The following NUP93 variants were observed in gnomAD, a reference collection of about 807,000 sequenced individuals.
The protein encoded by NUP93 is nuclear pore complex protein Nup93.
NUP93 carries 55 observed loss-of-function variants against 107.8 expected under a neutral mutation model. That is an observed-to-expected ratio of 0.51 (90% CI 0.41 to 0.64). NUP93 has a LOEUF of 0.64. NUP93 is among the 30% of genes least tolerant of loss of function. The pLI is 0.00. For missense variants in NUP93, 937 were observed against 1,044.7 expected (o/e 0.90, Z 1.42); for synonymous variants, 390 against 397.5 (o/e 0.98, Z 0.22).
chr16:56,796,751 G>T (rs1242485939), intron 3 of NUP93, among the ~76,000 whole-genome samples: 1 of 152,036 alleles, frequency 6.6e-6, no homozygotes, highest in Non-Finnish European at 1.5e-5. Flanking sequence ...GGCCAAGGCG[G>T]TTGGATCACA....
At chr16:56,788,484 C>A (rs1459774850) in intron 3 of NUP93, among the ~76,000 whole-genome samples, 1 of 152,174 alleles carries the variant, frequency 6.6e-6, no homozygotes, top group Non-Finnish European at 1.5e-5. Flanking sequence ...TCCATTAGTG[C>A]CTGGGTGGCC....
At chr16:56,805,790 C>T in intron 5 of NUP93, 158 bp downstream of exon 5, 1 of 728,006 alleles carries the variant, frequency 1.4e-6, no homozygotes, top group Non-Finnish European at 2.2e-6. Context: ...CCTGGACTTC[C>T]TCCAACATGT....
rs145257618 is a variant in NUP93, at chr16:56,736,739, A to C, written c.-15+6528A>C. Among the ~76,000 whole-genome samples, 751 of 152,318 alleles carry C rather than the reference A, an allele frequency of 4.9e-3. 5 individuals carry two copies. The highest frequency in any genetic ancestry group is 0.017 in the African/African-American group (705 of 41,572). ...AAACTCACGGTTGGAGTTTGAGTGC[A>C]CGGGGGCAGGTGTGGATTTGACAGT... On this transcript the variant is annotated intron_variant, in intron 1 of 21. Coordinates refer to ENST00000308159, the MANE Select transcript of NUP93 (RefSeq NM_014669.5).
At chr16:56,835,061 A>G (rs1235608321) in intron 16 of NUP93, among the ~76,000 whole-genome samples, 1 of 152,206 alleles carries the variant, frequency 6.6e-6, no homozygotes, top group Non-Finnish European at 1.5e-5. Flanking sequence ...TGAGAATGCT[A>G]TTATACATTT....
At chr16:56,841,095 G>A (rs1423558585) in intron 20 of NUP93, among the ~76,000 whole-genome samples, 1 of 152,150 alleles carries the variant, frequency 6.6e-6, no homozygotes, top group African/African-American at 2.4e-5. Context: ...CAGTTCAGAA[G>A]GTCTTGCCCC....
chr16:56,833,451 TC>T, intron 13 of NUP93, 45 bp downstream of exon 13: 1 of 1,450,308 alleles, frequency 6.9e-7, no homozygotes, highest in Admixed American at 2.8e-5. Flanking sequence ...CCACAGCACG[TC>T]CCCCTTGGGG....
At chr16:56,812,496 A>T (rs1382760056) in intron 5 of NUP93, among the ~76,000 whole-genome samples, 1 of 152,102 alleles carries the variant, frequency 6.6e-6, no homozygotes, top group Non-Finnish European at 1.5e-5. Context: ...GGCGCCCGCA[A>T]CCACGCCTGG....
chr16:56,842,775 ACTC>A, intron 21 of NUP93: 2 of 341,602 alleles, frequency 5.9e-6, no homozygotes, highest in Non-Finnish European at 1.2e-5. Context: ...CTGGTCTCGA[ACTC>A]CTGAGCTCAA....
chr16:56,736,433 T>C (rs1350768428), intron 1 of NUP93, among the ~76,000 whole-genome samples: 3 of 152,200 alleles, frequency 2.0e-5, no homozygotes, highest in African/African-American at 4.8e-5. Context: ...TGAGTTTTAG[T>C]TAGAGAGTAG....
At chr16:56,809,954 T>A (rs911789605) in intron 5 of NUP93, among the ~76,000 whole-genome samples, 7 of 152,230 alleles carry the variant, frequency 4.6e-5, no homozygotes, top group African/African-American at 9.6e-5. Flanking sequence ...AGCAAATAAT[T>A]AGAACAGCTC....
chr16:56,735,588 T>C (rs1961598137), intron 1 of NUP93, among the ~76,000 whole-genome samples: 1 of 152,192 alleles, frequency 6.6e-6, no homozygotes, highest in Non-Finnish European at 1.5e-5. Context: ...CCCTCGCCTG[T>C]ATTCCTAGCA....
At chr16:56,842,700 G>A (rs781324947) in intron 21 of NUP93, 16 of 423,718 alleles carry the variant, frequency 3.8e-5, no homozygotes, top group Non-Finnish European at 6.0e-5. Context: ...CTACAGGTAC[G>A]CACCACCACA....
intron 5 of NUP93, among the ~76,000 whole-genome samples, chr16:56,812,915 C>A (rs1022060801): frequency 6.6e-5 from 10 of 152,200 alleles, no homozygotes; most frequent in African/African-American, 2.4e-4. Context: ...TGCATGACAG[C>A]ATGCAGGATT....
At chr16:56,794,182 T>A (rs1289837567) in intron 3 of NUP93, among the ~76,000 whole-genome samples, 1 of 152,210 alleles carries the variant, frequency 6.6e-6, no homozygotes, top group African/African-American at 2.4e-5. Flanking sequence ...GTGTGTTTTT[T>A]AAAATAAAAT....
intron 8 of NUP93, among the ~76,000 whole-genome samples, chr16:56,824,939 T>G (rs1317797518): frequency 6.6e-6 from 1 of 152,218 alleles, no homozygotes; most frequent in African/African-American, 2.4e-5. Flanking sequence ...TGAATTTTTG[T>G]GTTTAAGTTT....
intron 3 of NUP93, among the ~76,000 whole-genome samples, chr16:56,764,808 C>A (rs775975441): frequency 1.4e-4 from 22 of 152,158 alleles, no homozygotes; most frequent in Non-Finnish European, 4.4e-5. Flanking sequence ...AGTAAAATTT[C>A]TTAGCTTGAA....
chr16:56,839,408 G>A (rs1344401232), intron 19 of NUP93, 113 bp from the exon 20 acceptor site: 6 of 715,448 alleles, frequency 8.4e-6, no homozygotes, highest in Non-Finnish European at 1.4e-5. Flanking sequence ...AAGGAGGAAT[G>A]GCGTTTTCTA....
intron 3 of NUP93, among the ~76,000 whole-genome samples, chr16:56,775,635 T>C (rs1037697155): frequency 3.9e-5 from 6 of 152,216 alleles, no homozygotes; most frequent in Non-Finnish European, 7.3e-5. Flanking sequence ...TTTAAAACCA[T>C]TTGCCTGTCC....
intron 6 of NUP93, 148 bp from the exon 7 acceptor site, chr16:56,821,356 A>G (rs2144609406): frequency 1.8e-6 from 1 of 554,172 alleles, no homozygotes; most frequent in Non-Finnish European, 3.3e-6. Context: ...CCCCAACGCA[A>G]CTGGGGAGCT....
Sources: gnomAD v4.1 joint callset for allele counts (sites outside exome capture counted in the v4.1 genomes callset) on GRCh38, gnomAD v4.1.1 for gene constraint, MANE v1.5 for transcripts, NCBI Gene and HGNC (gene_info 2026-07-23, HGNC 2026-07-21) for gene names.